The following BLK variants were observed in gnomAD, a reference collection of about 807,000 sequenced individuals.
BLK encodes the protein BLK proto-oncogene, Src family tyrosine kinase.
BLK carries 64 observed loss-of-function variants against 61.8 expected under a neutral mutation model. The ratio of observed to expected loss-of-function variants is 1.03; its 90% confidence interval spans 0.85 to 1.27. The LOEUF is 1.27. BLK is among the 50% of genes most tolerant of loss of function. The pLI is 0.00. For synonymous variants in BLK, 351 were observed against 272.0 expected (o/e 1.29, Z -2.86); for missense variants, 853 against 660.5 (o/e 1.29, Z -3.19).
rs1175571538 is a variant in BLK at position 11,503,153 on chromosome 8, G to T, written c.-2+8562G>T. Among the ~76,000 whole-genome samples, 4 of 152,210 alleles carry T rather than the reference G, an allele frequency of 2.6e-5. No individual in the cohort carries two copies. The East Asian group carries it at 5.8e-4, about 22-fold the overall frequency. On this transcript the variant is annotated intron_variant, in intron 1 of 12. Transcript: ENST00000259089. ...ACTGAAGGAGGCCCTGATGCTTGAG[G>T]TTGTTCAAGTGCAGAGAATGTTTGT...
At chr8:11,513,303 A>G (rs184728955) in intron 1 of BLK, among the ~76,000 whole-genome samples, 1 of 152,172 alleles carries the variant, frequency 6.6e-6, no homozygotes, top group Non-Finnish European at 1.5e-5. Flanking sequence ...TACAAGGCTG[A>G]TGCTGGCAGC....
At chr8:11,504,516 G>A (rs1798695799) in intron 1 of BLK, among the ~76,000 whole-genome samples, 2 of 152,216 alleles carry the variant, frequency 1.3e-5, no homozygotes, top group Non-Finnish European at 2.9e-5. Flanking sequence ...AGGGGGAGAA[G>A]TAGGCGCCTT....
At chr8:11,512,963 G>T (rs1332106319) in intron 1 of BLK, among the ~76,000 whole-genome samples, 1 of 152,124 alleles carries the variant, frequency 6.6e-6, no homozygotes, top group East Asian at 1.9e-4. Context: ...CACCGCGGCT[G>T]GTCAGATTAT....
chr8:11,558,953 T>C, intron 10 of BLK: 1 of 456,218 alleles, frequency 2.2e-6, no homozygotes, highest in Non-Finnish European at 4.4e-6. Context: ...AACGCCTTTT[T>C]CCGCTGAGGT....
At chr8:11,547,421 G>C (rs1045080990) in intron 3 of BLK, among the ~76,000 whole-genome samples, 1 of 152,198 alleles carries the variant, frequency 6.6e-6, no homozygotes, top group African/African-American at 2.4e-5. Context: ...CGTCACAGCA[G>C]GGCTCACTTG....
In BLK at chr8:11,554,919, A is replaced by C. The variant is rs752093898; in HGVS notation, c.619+30A>C. ...GAGGGGGCGTGCAATGGGGGCAGGG[A>C]CTTGTGCCAAGAGCCCCTGGATCTC... On this transcript the variant is annotated intron_variant, in intron 7 of 12. Coordinates refer to ENST00000259089, the MANE Select transcript of BLK (RefSeq NM_001715.3). The C allele has an allele frequency of 1.0e-5, 16 of 1,607,384 alleles. No individual in the cohort carries two copies. The South Asian group carries it at 1.5e-4, about 15-fold the overall frequency.
At chr8:11,554,982 C>A in intron 7 of BLK, 93 bp downstream of exon 7, 1 of 1,527,858 alleles carries the variant, frequency 6.5e-7, no homozygotes, top group Non-Finnish European at 8.8e-7. Flanking sequence ...ATTGGTGCCA[C>A]CTTGGGGGAT....
In BLK at chr8:11,564,228, C is replaced by A; in HGVS notation, c.*120C>A. ...TGTGCCCTTTTCTCAGACCCGGAAT[C>A]CAGTGGGCAGAGGCAGCTTCGCAGG... On this transcript the variant is annotated 3_prime_UTR_variant, in exon 13 of 13. Transcript: ENST00000259089. The A allele has an allele frequency of 8.0e-7, 1 of 1,248,058 alleles. No homozygotes were observed. Among genetic ancestry groups the A allele is most frequent in the Non-Finnish European group, 1.1e-6 (1 of 888,334 alleles). The allele number at this position is 1,248,058 out of a possible 1,614,324, so 77.3% of individuals were successfully genotyped here.
At chr8:11,551,056 G>A (rs1196306562) in intron 6 of BLK, among the ~76,000 whole-genome samples, 2 of 152,030 alleles carry the variant, frequency 1.3e-5, no homozygotes, top group Non-Finnish European at 2.9e-5. Flanking sequence ...TGACTTGGAT[G>A]GAAATCCTTC....
intron 2 of BLK, among the ~76,000 whole-genome samples, chr8:11,544,118 C>A (rs913386953): frequency 6.6e-6 from 1 of 152,134 alleles, no homozygotes; most frequent in African/African-American, 2.4e-5. Flanking sequence ...ACACATGCCA[C>A]CACACCTGGC....
At chr8:11,501,458 C>A (rs780352288) in intron 1 of BLK, among the ~76,000 whole-genome samples, 3 of 151,708 alleles carry the variant, frequency 2.0e-5, no homozygotes, top group Non-Finnish European at 4.4e-5. Context: ...TGCCAGCACA[C>A]TGGGGGAAGT....
chr8:11,524,515 A>C (rs1339607912), intron 1 of BLK, among the ~76,000 whole-genome samples: 1 of 152,238 alleles, frequency 6.6e-6, no homozygotes, highest in Non-Finnish European at 1.5e-5. Flanking sequence ...AGGGAACTAC[A>C]TACTTCCATA....
chr8:11,500,279 C>T (rs535131288), intron 1 of BLK, among the ~76,000 whole-genome samples: 14 of 152,206 alleles, frequency 9.2e-5, no homozygotes, highest in East Asian at 7.7e-4. Context: ...CTACATCCTC[C>T]GCCTCCCGGG....
At chr8:11,563,220 C>A in intron 12 of BLK, 110 bp downstream of exon 12, 21 of 1,505,978 alleles carry the variant, frequency 1.4e-5, no homozygotes, top group Non-Finnish European at 1.9e-5. Flanking sequence ...AGAGTGAGTC[C>A]CAGAGCGAAG....
chr8:11,557,911 C>T, intron 9 of BLK, 51 bp from the exon 10 acceptor site: 1 of 1,569,186 alleles, frequency 6.4e-7, no homozygotes, highest in South Asian at 1.1e-5. Flanking sequence ...GCTGGCACCA[C>T]CAGGGGCGGG....
At chr8:11,494,982 G>A (rs950895880) in intron 1 of BLK, among the ~76,000 whole-genome samples, 2 of 152,230 alleles carry the variant, frequency 1.3e-5, no homozygotes, top group African/African-American at 4.8e-5. Flanking sequence ...GCTGACAGAG[G>A]TTAGTGGTCA....
intron 1 of BLK, among the ~76,000 whole-genome samples, chr8:11,526,989 G>T (rs1386338346): frequency 6.6e-6 from 1 of 152,036 alleles, no homozygotes; most frequent in Admixed American, 6.6e-5. Flanking sequence ...TATGTGCTTG[G>T]GGGTCACACT....
chr8:11,541,241 G>A (rs917269514), intron 1 of BLK, among the ~76,000 whole-genome samples: 2 of 152,148 alleles, frequency 1.3e-5, no homozygotes, highest in African/African-American at 2.4e-5. Flanking sequence ...GGACTCCAGC[G>A]TAGGCAACAG....
chr8:11,546,173 GA>G, intron 3 of BLK, 70 bp downstream of exon 3: 3 of 1,566,646 alleles, frequency 1.9e-6, no homozygotes, highest in Non-Finnish European at 1.8e-6. Context: ...TGTGGAGTTG[GA>G]AAAAGGTTGA....
Sources: gnomAD v4.1 joint callset for allele counts (sites outside exome capture counted in the v4.1 genomes callset) on GRCh38, gnomAD v4.1.1 for gene constraint, MANE v1.5 for transcripts, NCBI Gene and HGNC (gene_info 2026-07-23, HGNC 2026-07-21) for gene names.